Variants in RHBDL2 observed in about 807,000 individuals in gnomAD.
The protein encoded by RHBDL2 is rhomboid like 2, also known as rhomboid-related protein 2.
A neutral mutation model predicts 31.7 loss-of-function variants in RHBDL2; 26 were observed. That is an observed-to-expected ratio of 0.82 (90% confidence interval 0.60 to 1.14). The LOEUF (loss-of-function observed/expected upper bound fraction) is 1.14, where lower values mean the gene tolerates loss of function less well. Among genes scored for constraint, RHBDL2 ranks in the 50% most tolerant of loss-of-function variants. The pLI is 0.00. For missense variants in RHBDL2, 336 were observed against 364.4 expected (o/e 0.92, Z 0.63); for synonymous variants, 123 against 127.2 (o/e 0.97, Z 0.22).
chr1:38,910,035 T>C (rs2124323627), intron 4 of RHBDL2, among the ~76,000 whole-genome samples: 1 of 152,330 alleles, frequency 6.6e-6, no homozygotes, highest in South Asian at 2.1e-4. Context: ...GAATAAACTA[T>C]TGACACATGC....
intron 4 of RHBDL2, among the ~76,000 whole-genome samples, chr1:38,908,612 TG>T (rs1643100546): frequency 6.7e-6 from 1 of 148,942 alleles, no homozygotes; most frequent in Admixed American, 6.7e-5. Flanking sequence ...GGGCGTGCGA[TG>T]GGGGTGTTGT....
At chr1:38,904,865 A>C (rs1168497253) in intron 4 of RHBDL2, among the ~76,000 whole-genome samples, 2 of 148,122 alleles carry the variant, frequency 1.4e-5, no homozygotes, top group Non-Finnish European at 3.0e-5. Context: ...CCCCGTCTCT[A>C]CTAAAAATAC....
chr1:38,934,697 C>A (rs1643473479), intron 1 of RHBDL2, among the ~76,000 whole-genome samples: 2 of 148,492 alleles, frequency 1.3e-5, no homozygotes, highest in Admixed American at 1.4e-4. Context: ...GTGGCTCACA[C>A]TTATAATCCC....
chr1:38,890,120 C>A (rs1418391871), intron 6 of RHBDL2, among the ~76,000 whole-genome samples: 1 of 151,958 alleles, frequency 6.6e-6, no homozygotes, highest in Non-Finnish European at 1.5e-5. Flanking sequence ...TCACTGCAAC[C>A]TCCACCTCCT....
At chr1:38,937,029 G>A (rs1376318367) in intron 1 of RHBDL2, among the ~76,000 whole-genome samples, 2 of 149,364 alleles carry the variant, frequency 1.3e-5, no homozygotes, top group African/African-American at 4.9e-5. Flanking sequence ...CTCACTGCAT[G>A]CTCCGCCTCC....
chr1:38,907,682 G>A (rs1356150229), intron 4 of RHBDL2, among the ~76,000 whole-genome samples: 3 of 152,210 alleles, frequency 2.0e-5, no homozygotes, highest in African/African-American at 7.2e-5. Context: ...GCAGGCTGCA[G>A]TAAGCTATGA....
Position 38,886,486 on chromosome 1 carries a change from A to C in RHBDL2, c.*18T>G. On this transcript the variant is annotated 3_prime_UTR_variant, in exon 8 of 8. Coordinates refer to ENST00000372990, the MANE Select transcript of RHBDL2 (RefSeq NM_017821.5). ...TCCAGATGGCTCTTTTTATTAATTGACTTACAATAGGGGCAGGTCAGTTTG... is the reference window on the plus strand; with the variant it reads ...TCCAGATGGCTCTTTTTATTAATTGCCTTACAATAGGGGCAGGTCAGTTTG... 1.3e-6 allele frequency: 2 copies of C among 1,487,524 alleles called. No individual in the cohort carries two copies. Among genetic ancestry groups the C allele is most frequent in the South Asian group, 2.8e-5 (2 of 71,386 alleles). The allele number at this position is 1,487,524 out of a possible 1,614,324, so 92.1% of individuals were successfully genotyped here.
chr1:38,914,124 A>G (rs1422479474), intron 3 of RHBDL2, among the ~76,000 whole-genome samples: 2 of 152,056 alleles, frequency 1.3e-5, no homozygotes. Context: ...TCAAAAAAAA[A>G]AAAGAAAGAA....
At chr1:38,901,198 C>T (rs896822697) in intron 4 of RHBDL2, among the ~76,000 whole-genome samples, 3 of 151,966 alleles carry the variant, frequency 2.0e-5, no homozygotes, top group Non-Finnish European at 4.4e-5. Context: ...TGCAGTGGCT[C>T]ACACCTGTAA....
rs199982712 is a variant in RHBDL2, at chr1:38,886,444, CT to C, written c.*59del. On this transcript the variant is annotated 3_prime_UTR_variant, in exon 8 of 8. Coordinates refer to ENST00000372990, the MANE Select transcript of RHBDL2 (RefSeq NM_017821.5). Reference sequence around the variant, plus strand: ...TTCTCTGTTTCTTCATAGAGTCTTCCTTTTTTTTTTATTTCCTCCAGATGGC... The same window carrying C: ...TTCTCTGTTTCTTCATAGAGTCTTCCTTTTTTTTTATTTCCTCCAGATGGC... 0.012 allele frequency: 12,010 copies of C among 1,028,332 alleles called. No homozygotes were observed. The highest frequency in any genetic ancestry group is 0.018 in the South Asian group (823 of 45,510). 63.7% of individuals were successfully genotyped at this position (1,028,332 alleles called of 1,614,324 possible).
chr1:38,939,386 G>T (rs1335133935), intron 1 of RHBDL2, among the ~76,000 whole-genome samples: 6 of 152,120 alleles, frequency 3.9e-5, no homozygotes, highest in Admixed American at 3.3e-4. Flanking sequence ...GATGGGCCAG[G>T]CATGGTGGCT....
chr1:38,941,439 C>A (rs1051007731), intron 1 of RHBDL2, among the ~76,000 whole-genome samples: 1 of 152,126 alleles, frequency 6.6e-6, no homozygotes, highest in Non-Finnish European at 1.5e-5. Flanking sequence ...CCCTTCCCTG[C>A]CATTTCCCTC....
intron 1 of RHBDL2, among the ~76,000 whole-genome samples, chr1:38,920,066 A>G (rs368507345): frequency 6.6e-6 from 1 of 151,984 alleles, no homozygotes; most frequent in Admixed American, 6.6e-5. Context: ...CTGTGTCTAT[A>G]GATTGACCTA....
At chr1:38,932,311 C>G (rs374211192) in intron 1 of RHBDL2, among the ~76,000 whole-genome samples, 158 of 152,248 alleles carry the variant, frequency 1.0e-3, no homozygotes, top group African/African-American at 3.7e-3. Context: ...ATGGAACCTT[C>G]TTGACCTACC....
intron 1 of RHBDL2, among the ~76,000 whole-genome samples, chr1:38,934,137 C>T (rs1643466918): frequency 7.7e-6 from 1 of 130,028 alleles, no homozygotes; most frequent in South Asian, 2.4e-4. Context: ...CATTTGAGGC[C>T]AGGAGTTCAA....
rs12088568 is a variant in RHBDL2 at position 38,895,794 on chromosome 1, C to T, written c.609+175G>A. Among the ~76,000 whole-genome samples the T allele has an allele frequency of 1.9e-3, 284 of 152,058 alleles. 2 individuals carry two copies. The highest frequency in any genetic ancestry group is 6.3e-3 in the African/African-American group (261 of 41,456). On this transcript the variant is annotated intron_variant, in intron 5 of 7. Transcript: ENST00000372990. Reference sequence around the variant, plus strand: ...TTCCAGCCTGGGCAATGGTGCAAGACTCTGTCTCAAAAAAAAAGAAAGAAA... The same window carrying T: ...TTCCAGCCTGGGCAATGGTGCAAGATTCTGTCTCAAAAAAAAAGAAAGAAA...
intron 4 of RHBDL2, among the ~76,000 whole-genome samples, chr1:38,910,678 C>A (rs1233778724): frequency 6.6e-6 from 1 of 152,038 alleles, no homozygotes; most frequent in Admixed American, 6.6e-5. Context: ...TAAGGGCCTC[C>A]ATGATCTGGC....
intron 3 of RHBDL2, among the ~76,000 whole-genome samples, chr1:38,912,910 A>ATATGTGTG (rs1399583863): frequency 1.2e-3 from 49 of 41,350 alleles, no homozygotes; most frequent in Admixed American, 1.4e-3. Context: ...ATATATATAT[A>ATATGTGTG]TGTGTGTGTG....
intron 4 of RHBDL2, 32 bp downstream of exon 4, chr1:38,911,290 G>A (rs1371610935): frequency 1.4e-6 from 2 of 1,385,596 alleles, no homozygotes; most frequent in East Asian, 2.3e-5. Flanking sequence ...GAGCCCAGAG[G>A]TATTGATTCT....
Sources: allele counts gnomAD v4.1 joint callset (sites outside exome capture counted in the v4.1 genomes callset), GRCh38; gene constraint gnomAD v4.1.1; transcripts MANE v1.5; gene names NCBI Gene and HGNC (gene_info 2026-07-23, HGNC 2026-07-21).